The following CPLX2 variants were observed in gnomAD, a reference collection of about 807,000 sequenced individuals.
CPLX2 encodes complexin 2, also known as complexin-2.
Under a neutral mutation model 16.3 loss-of-function variants are expected in CPLX2, and 5 were observed. The observed-to-expected ratio is 0.31, with a 90% CI of 0.16 to 0.64. The LOEUF (loss-of-function observed/expected upper bound fraction) is 0.64, where lower values mean the gene tolerates loss of function less well. Ranked by LOEUF, CPLX2 falls within the 30% of genes least tolerant of loss-of-function variation. The pLI is 0.79. For synonymous variants in CPLX2, 89 were observed against 73.2 expected (o/e 1.22, Z -1.10); for missense variants, 144 against 181.4 (o/e 0.79, Z 1.18).
intron 2 of CPLX2, among the ~76,000 whole-genome samples, chr5:175,826,894 G>A (rs993200702): frequency 2.0e-5 from 3 of 152,192 alleles, no homozygotes; most frequent in African/African-American, 7.2e-5. Flanking sequence ...GAATGTGTTT[G>A]GTGTGTGTAA....
chr5:175,869,235 C>T (rs530623981), upstream of CPLX2, among the ~76,000 whole-genome samples: 10 of 152,298 alleles, frequency 6.6e-5, no homozygotes, highest in African/African-American at 2.4e-4. Flanking sequence ...GGCTGAGCTG[C>T]CTTCCTATTC....
intron 2 of CPLX2, among the ~76,000 whole-genome samples, chr5:175,843,697 G>T (rs1321845227): frequency 2.0e-5 from 3 of 152,262 alleles, no homozygotes; most frequent in Non-Finnish European, 4.4e-5. Context: ...AGGGCCTGGG[G>T]TCAGGCCCAG....
intron 2 of CPLX2, among the ~76,000 whole-genome samples, chr5:175,847,867 C>G (rs560992887): frequency 6.6e-6 from 1 of 152,192 alleles, no homozygotes; most frequent in Non-Finnish European, 1.5e-5. Context: ...GTCTGTCAGT[C>G]CCCCCGTGAG....
chr5:175,813,903 C>T lies in CPLX2; in HGVS notation c.-89+4835C>T, dbSNP rs151162833. ...CAGTAACTAGCTGGAAGTGGATAAACGATGTTTTATTTTCCATTTATTTGT... is the reference window on the plus strand; with the variant it reads ...CAGTAACTAGCTGGAAGTGGATAAATGATGTTTTATTTTCCATTTATTTGT... On this transcript the variant is annotated intron_variant, in intron 2 of 4. Coordinates refer to the CPLX2 transcript ENST00000359546. 1.2e-4 allele frequency among the ~76,000 whole-genome samples: 18 copies of T among 152,248 alleles called. No individual in the cohort carries two copies. In the East Asian group the frequency reaches 2.3e-3, roughly 20 times the overall value.
chr5:175,864,369 C>T (rs1759428070), intron 2 of CPLX2, among the ~76,000 whole-genome samples: 1 of 152,160 alleles, frequency 6.6e-6, no homozygotes, highest in African/African-American at 2.4e-5. Context: ...TACCAGCCAC[C>T]CCTGCCCCTT....
At chr5:175,846,054 G>T (rs369045650) in intron 2 of CPLX2, among the ~76,000 whole-genome samples, 4 of 152,124 alleles carry the variant, frequency 2.6e-5, no homozygotes, top group African/African-American at 9.7e-5. Context: ...CGCACCTGTG[G>T]CCTTTTCCTT....
intron 2 of CPLX2, among the ~76,000 whole-genome samples, chr5:175,814,568 C>A (rs1166020004): frequency 6.6e-6 from 1 of 152,142 alleles, no homozygotes; most frequent in East Asian, 1.9e-4. Context: ...CAGGTGTGAA[C>A]CTCAACAGTT....
upstream of CPLX2, among the ~76,000 whole-genome samples, chr5:175,867,656 G>A (rs533240795): frequency 7.9e-5 from 12 of 152,008 alleles, no homozygotes; most frequent in Admixed American, 7.9e-4. Flanking sequence ...GCTGACATAG[G>A]AGTCACATCC....
chr5:175,827,530 G>A (rs1331990168), intron 2 of CPLX2, among the ~76,000 whole-genome samples: 2 of 152,154 alleles, frequency 1.3e-5, no homozygotes, highest in Non-Finnish European at 2.9e-5. Flanking sequence ...CGGGGTGGTT[G>A]GATCACCTGA....
At chr5:175,856,098 C>T (rs539804015) in intron 2 of CPLX2, among the ~76,000 whole-genome samples, 1 of 152,310 alleles carries the variant, frequency 6.6e-6, no homozygotes, top group South Asian at 2.1e-4. Flanking sequence ...TTGGACTAAA[C>T]AGCCTAGAAG....
intron 2 of CPLX2, among the ~76,000 whole-genome samples, chr5:175,810,432 A>G (rs1165550245): frequency 1.3e-5 from 2 of 152,186 alleles, no homozygotes; most frequent in East Asian, 3.9e-4. Context: ...GGAGCTTCTC[A>G]TCTTCCAAAA....
In CPLX2 at chr5:175,872,756, A is replaced by T. The variant is rs910205191; in HGVS notation, c.-89+1051A>T. ...CTGTCTCTGCCACTGCCTTTGGCGT[A>T]GTCCCCTGCCAGAAGCAAATGAGTG... On this transcript the variant is annotated intron_variant, in intron 1 of 3. Coordinates refer to ENST00000393745, the MANE Select transcript of CPLX2 (RefSeq NM_001008220.2). This position sits in a 1 kb window ranked among gnomAD's most constrained non-coding sequence, Gnocchi z 5.0. 6.6e-6 allele frequency: 1 copy of T among 152,248 alleles called. No individual in the cohort carries two copies. The highest frequency in any genetic ancestry group is 1.5e-5 in the Non-Finnish European group (1 of 68,090). The allele number at this position is 152,248 out of a possible 1,614,324, so 9.4% of individuals were successfully genotyped here.
At chr5:175,804,882 G>A (rs933603252) in intron 1 of CPLX2, among the ~76,000 whole-genome samples, 1 of 152,222 alleles carries the variant, frequency 6.6e-6, no homozygotes, top group Non-Finnish European at 1.5e-5. Flanking sequence ...AAGAGATCCT[G>A]AGGTGGACAC....
At chr5:175,851,277 C>G (rs1291843229) in intron 2 of CPLX2, among the ~76,000 whole-genome samples, 1 of 152,138 alleles carries the variant, frequency 6.6e-6, no homozygotes, top group Non-Finnish European at 1.5e-5. Context: ...CTCCAGTAAA[C>G]AGCTGTCAGG....
chr5:175,881,730 GCTC>G lies in CPLX2; in HGVS notation c.*1688_*1690del, dbSNP rs1755612652. On this transcript the variant is annotated 3_prime_UTR_variant, in exon 4 of 4. Transcript: ENST00000393745. ...CCTAGAGTCCTCCCACCCTTGGGGG[GCTC>G]CTGCCTGAGGTCCTCAGAATCCCAC... The G allele has an allele frequency of 6.6e-6, 1 of 152,666 alleles. No individual in the cohort carries two copies. The highest frequency in any genetic ancestry group is 1.5e-5 in the Non-Finnish European group (1 of 68,046). The allele number at this position is 152,666 out of a possible 1,614,324, so 9.5% of individuals were successfully genotyped here.
intron 1 of CPLX2, among the ~76,000 whole-genome samples, chr5:175,801,068 G>A (rs1758085903): frequency 6.6e-6 from 1 of 151,196 alleles, no homozygotes; most frequent in African/African-American, 2.4e-5. Flanking sequence ...GCAGAGAGGA[G>A]ATCATGCAGG....
chr5:175,843,386 C>T (rs1758981983), intron 2 of CPLX2, among the ~76,000 whole-genome samples: 2 of 152,184 alleles, frequency 1.3e-5, no homozygotes, highest in Non-Finnish European at 2.9e-5. Context: ...TGAATGTCCC[C>T]CCAACACACA....
At chr5:175,803,246 G>A (rs1255855614) in intron 1 of CPLX2, among the ~76,000 whole-genome samples, 1 of 152,146 alleles carries the variant, frequency 6.6e-6, no homozygotes, top group Non-Finnish European at 1.5e-5. Flanking sequence ...ATACCCACTG[G>A]GCAGCTGTAT....
chr5:175,817,677 T>A (rs916360743), intron 2 of CPLX2, among the ~76,000 whole-genome samples: 1 of 152,194 alleles, frequency 6.6e-6, no homozygotes, highest in South Asian at 2.1e-4. Flanking sequence ...GGAAGGTGCC[T>A]GGCTCACTTC....
Sources: allele counts gnomAD v4.1 joint callset (sites outside exome capture counted in the v4.1 genomes callset), GRCh38; gene constraint gnomAD v4.1.1; non-coding constraint Gnocchi (gnomAD v3.1); transcripts MANE v1.5; gene names NCBI Gene and HGNC (gene_info 2026-07-23, HGNC 2026-07-21).